The following CHAF1B variants were observed in gnomAD, a reference collection of about 807,000 sequenced individuals.
The protein encoded by CHAF1B is chromatin assembly factor 1 subunit B.
CHAF1B carries 10 observed loss-of-function variants against 60.7 expected under a neutral mutation model. The observed-to-expected ratio is 0.16, with a 90% confidence interval of 0.10 to 0.28. The LOEUF is 0.28. CHAF1B is among the 10% of genes least tolerant of loss of function. CHAF1B has a pLI of 1.00. For synonymous variants in CHAF1B, 261 were observed against 266.1 expected (o/e 0.98, Z 0.19); for missense variants, 558 against 708.4 (o/e 0.79, Z 2.41).
chr21:36,395,870 AGTT>A (rs1452515927), intron 5 of CHAF1B, among the ~76,000 whole-genome samples: 4 of 152,268 alleles, frequency 2.6e-5, no homozygotes, highest in East Asian at 3.9e-4. Context: ...TGGGTAGGGC[AGTT>A]GTTGTTGGCT....
At chr21:36,402,725 A>G (rs372512182) in intron 7 of CHAF1B, 33 bp from the exon 8 acceptor site, 1 of 1,569,784 alleles carries the variant, frequency 6.4e-7, no homozygotes, top group Admixed American at 1.8e-5. Flanking sequence ...AACAAACAAA[A>G]AAAATAATAA....
chr21:36,406,785 C>A (rs2086241196), intron 8 of CHAF1B, among the ~76,000 whole-genome samples: 1 of 152,128 alleles, frequency 6.6e-6, no homozygotes, highest in Non-Finnish European at 1.5e-5. Flanking sequence ...GAACCATAAT[C>A]ACCATGTTGT....
chr21:36,391,785 C>T (rs1257412117), intron 4 of CHAF1B, 117 bp downstream of exon 4: 2 of 647,042 alleles, frequency 3.1e-6, no homozygotes, highest in East Asian at 6.0e-5. Flanking sequence ...GTCGCCCAGG[C>T]TGGAGTGCTG....
chr21:36,395,504 G>A (rs2086130580), intron 5 of CHAF1B, among the ~76,000 whole-genome samples: 1 of 152,216 alleles, frequency 6.6e-6, no homozygotes, highest in African/African-American at 2.4e-5. Flanking sequence ...CTGAAGCCAG[G>A]CAAATCCCAC....
At chr21:36,398,625 G>A (rs2086162370) in intron 6 of CHAF1B, among the ~76,000 whole-genome samples, 1 of 152,208 alleles carries the variant, frequency 6.6e-6, no homozygotes, top group Non-Finnish European at 1.5e-5. Flanking sequence ...CTCCCAAAGT[G>A]CTGGGATTAC....
intron 8 of CHAF1B, among the ~76,000 whole-genome samples, chr21:36,406,273 A>G (rs1424151159): frequency 6.6e-6 from 1 of 152,160 alleles, no homozygotes; most frequent in Admixed American, 6.5e-5. Flanking sequence ...GGAAGTGTTG[A>G]GATTGGACAA....
rs745930940 is a variant in CHAF1B at position 36,411,598 on chromosome 21, T to C, written c.1055T>C (p.Ile352Thr). ...SNIHYHTLSD[I>T]SWSSDGAFLA... The stretch of plus-strand genomic sequence containing the variant: ...ATACATTACCACACCCTCAGTGACA[T>C]TTCATGGTGAGTGGCTGCTAATGAG... Residue 352 changes from isoleucine (I) to threonine (T), a missense_variant, in exon 11 of 14, where the codon ATT (isoleucine) becomes ACT (threonine). Transcript: ENST00000314103. 13 of 1,613,874 alleles carry C rather than the reference T, an allele frequency of 8.1e-6. No individual in the cohort carries two copies. The highest frequency in any genetic ancestry group is 1.1e-5 in the Non-Finnish European group (13 of 1,179,952).
chr21:36,397,613 A>G (rs1239972228), intron 6 of CHAF1B, 102 bp downstream of exon 6: 12 of 517,824 alleles, frequency 2.3e-5, no homozygotes, highest in Non-Finnish European at 3.7e-5. Context: ...ATCATAGTCT[A>G]ACTTTGATTC....
chr21:36,389,759 ATGTGTGTGTGTGTGTGTGTGTGTGTG>A (rs1555911822), intron 3 of CHAF1B, among the ~76,000 whole-genome samples: 4 of 125,812 alleles, frequency 3.2e-5, no homozygotes, highest in East Asian at 2.4e-4. Flanking sequence ...GCATGAAGGG[ATGTGTGTGTGTGTGTGTGTGTGTGTG>A]TGTGTGTGTG....
rs187888857 is a variant in CHAF1B at position 36,402,902 on chromosome 21, C to T, written c.757+51C>T. ...AGGAATGATGGCCGAGTGGGGATGT[C>T]TGCTCCCGTTTTACGCTGCAGCTTA... On this transcript the variant is annotated intron_variant, in intron 8 of 13. Transcript: ENST00000314103. 9.3e-5 allele frequency: 134 copies of T among 1,437,436 alleles called. 2 individuals are homozygous for T. In the East Asian group the frequency reaches 2.6e-3, roughly 28 times the overall value. The allele number at this position is 1,437,436 out of a possible 1,614,324, so 89.0% of individuals were successfully genotyped here.
chr21:36,402,995 G>A (rs2086204477), intron 8 of CHAF1B, 144 bp downstream of exon 8: 2 of 655,264 alleles, frequency 3.1e-6, no homozygotes, highest in Admixed American at 5.3e-5. Context: ...CTCCAGGAGA[G>A]CTTCAAAAAA....
chr21:36,417,241 TCA>T lies in CHAF1B; in HGVS notation c.*884_*885del, dbSNP rs977894204. 3 of 151,548 alleles carry T rather than the reference TCA, an allele frequency of 2.0e-5. No homozygotes were observed. The highest frequency in any genetic ancestry group is 7.3e-5 in the African/African-American group (3 of 41,272). The allele number at this position is 151,548 out of a possible 1,614,324, so 9.4% of individuals were successfully genotyped here. ...CATGTGCCACCATGCCATGCTAATT[TCA>T]CACACACATGCACCCACACACACAC... On this transcript the variant is annotated 3_prime_UTR_variant, in exon 14 of 14. Transcript: ENST00000314103.
rs968562117 is a variant in CHAF1B, at chr21:36,400,306, C to G, written c.663+701C>G. The stretch of plus-strand genomic sequence containing the variant: ...ACTGGCCTGGCCAACATGGTGAAAC[C>G]CTGTCTCTACAAAAAATATAAAATT... On this transcript the variant is annotated intron_variant, in intron 7 of 13. Coordinates refer to ENST00000314103, the MANE Select transcript of CHAF1B (RefSeq NM_005441.3). 5.3e-5 allele frequency among the ~76,000 whole-genome samples: 8 copies of G among 151,740 alleles called. No homozygotes were observed. In the South Asian group the frequency reaches 8.3e-4, roughly 16 times the overall value.
chr21:36,394,802 G>A, intron 5 of CHAF1B, 152 bp downstream of exon 5: 1 of 548,596 alleles, frequency 1.8e-6, no homozygotes, highest in Non-Finnish European at 3.2e-6. Context: ...TGCGATCTTG[G>A]TTCACTGCAA....
At chr21:36,401,843 C>T (rs985784935) in intron 7 of CHAF1B, among the ~76,000 whole-genome samples, 2 of 151,698 alleles carry the variant, frequency 1.3e-5, no homozygotes, top group Admixed American at 6.6e-5. Flanking sequence ...TGGGTTCAAG[C>T]GGTTCTCCTG....
rs2086320900 is a variant in CHAF1B at position 36,416,475 on chromosome 21, A to G, written c.*109A>G. The G allele has an allele frequency of 2.8e-6, 2 of 722,216 alleles. No homozygotes were observed. The highest frequency in any genetic ancestry group is 5.8e-5 in the Admixed American group (2 of 34,502). The allele number at this position is 722,216 out of a possible 1,614,324, so 44.7% of individuals were successfully genotyped here. A position where few individuals can be genotyped will look rare whatever the true frequency, so the allele number is the denominator to read the frequency against. ...GCTTCCATGGAGCGGGACACACTGT[A>G]AATGGATTTCTATAACAGAAGTGAC... On this transcript the variant is annotated 3_prime_UTR_variant, in exon 14 of 14. Transcript: ENST00000314103.
rs1320430011 is a variant in CHAF1B at position 36,385,859 on chromosome 21, CTGGATGTAGCGGCGTATCATAAACTTG to C, written c.-77-193_-77-167del. On this transcript the variant is annotated intron_variant, in intron 1 of 13. Transcript: ENST00000314103. Reference sequence around the variant, plus strand: ...TACCTGGGTGTTTCGTTTTGCTTTTCTGGATGTAGCGGCGTATCATAAACTTGTGGATGTCAGGACCCAGCGAAGCAT... The same window carrying C: ...TACCTGGGTGTTTCGTTTTGCTTTTCTGGATGTCAGGACCCAGCGAAGCAT... Among the ~76,000 whole-genome samples the C allele has an allele frequency of 7.9e-5, 12 of 152,346 alleles. No homozygotes were observed. The South Asian group carries it at 1.2e-3, about 16-fold the overall frequency.
intron 2 of CHAF1B, among the ~76,000 whole-genome samples, chr21:36,386,623 G>A (rs1185386299): frequency 1.3e-5 from 2 of 152,132 alleles, no homozygotes; most frequent in Non-Finnish European, 2.9e-5. Flanking sequence ...ATGAATTAAC[G>A]TATGTCAACA....
intron 5 of CHAF1B, 35 bp from the exon 6 acceptor site, chr21:36,397,380 C>G: frequency 8.8e-7 from 1 of 1,140,696 alleles, no homozygotes; most frequent in South Asian, 1.5e-5. Context: ...TTTGGTAATG[C>G]TGTTTTGGTG....
Sources: gnomAD v4.1 joint callset for allele counts (sites outside exome capture counted in the v4.1 genomes callset) on GRCh38, gnomAD v4.1.1 for gene constraint, MANE v1.5 for transcripts, NCBI Gene and HGNC (gene_info 2026-07-23, HGNC 2026-07-21) for gene names.